Variants in PLA2G12A observed in about 807,000 individuals in gnomAD.
The protein encoded by PLA2G12A is group XIIA secretory phospholipase A2.
Under a neutral mutation model 16.0 loss-of-function variants are expected in PLA2G12A, and 11 were observed. That is an observed-to-expected ratio of 0.69 (90% CI 0.43 to 1.13). PLA2G12A has a LOEUF of 1.13. Among genes scored for constraint, PLA2G12A ranks in the 50% most tolerant of loss-of-function variants. The pLI, the probability that PLA2G12A is intolerant of heterozygous loss-of-function variation, is 0.00. For missense variants in PLA2G12A, 214 were observed against 237.3 expected (o/e 0.90, Z 0.65); for synonymous variants, 77 against 93.8 (o/e 0.82, Z 1.03).
Position 109,712,871 on chromosome 4 carries a change from G to C in PLA2G12A, c.*1506C>G, listed in dbSNP as rs1379118004. 1 of 152,032 alleles carries C rather than the reference G, an allele frequency of 6.6e-6. No individual in the cohort carries two copies. Among genetic ancestry groups the C allele is most frequent in the East Asian group, 1.9e-4 (1 of 5,194 alleles). 9.4% of individuals were successfully genotyped at this position (152,032 alleles called of 1,614,324 possible). ...GGTTTGAAATAAAGAATCAATTGAG[G>C]GTCCCAAACATTTAAGTGGAAACCC... On this transcript the variant is annotated 3_prime_UTR_variant, in exon 4 of 4. Transcript: ENST00000243501.
Position 109,729,788 on chromosome 4 carries a change from C to G in PLA2G12A, c.22G>C (p.Ala8Pro). Residue 8 changes from alanine (A) to proline (P), a missense_variant, in exon 1 of 4, where the codon GCG (alanine) becomes CCG (proline). Ala to Pro is a conservative substitution (Grantham distance 27, BLOSUM62 -1). Transcript: ENST00000243501. Reference sequence around the variant, plus strand: ...ATGAGGAGGAGCAGGAGGGTGAGCGCGGGGCGCGAGAGCAGGGCCATGCGC... The same window carrying G: ...ATGAGGAGGAGCAGGAGGGTGAGCGGGGGGCGCGAGAGCAGGGCCATGCGC... Reference protein sequence around the residue: MALLSRPALTLLLLLMAA... With the variant: MALLSRPPLTLLLLLMAA... 6.4e-7 allele frequency: 1 copy of G among 1,556,062 alleles called. No individual in the cohort carries two copies. Among genetic ancestry groups the G allele is most frequent in the Non-Finnish European group, 8.7e-7 (1 of 1,150,592 alleles).
In PLA2G12A at chr4:109,729,901, C is replaced by T. The variant is rs1230384931; in HGVS notation, c.-92G>A. On this transcript the variant is annotated 5_prime_UTR_variant, in exon 1 of 4. Transcript: ENST00000243501. ...GGACGCGCTAGGCAGCGGCGCGGGC[C>T]CCGGACTTGGCAGCAGCCAGCTCCA... The T allele has an allele frequency of 6.0e-6, 7 of 1,171,672 alleles. No individual in the cohort carries two copies. The highest frequency in any genetic ancestry group is 6.9e-6 in the Non-Finnish European group (6 of 865,050). The allele number at this position is 1,171,672 out of a possible 1,614,324, so 72.6% of individuals were successfully genotyped here. A position where few individuals can be genotyped will look rare whatever the true frequency, so the allele number is the denominator to read the frequency against.
rs67674001 is a variant in PLA2G12A, at chr4:109,711,053, C to CTTTTTTT, written c.*3317_*3323dup. 73 of 57,228 alleles carry CTTTTTTT rather than the reference C, an allele frequency of 1.3e-3. No homozygotes were observed. Among genetic ancestry groups the CTTTTTTT allele is most frequent in the African/African-American group, 6.0e-3 (71 of 11,912 alleles). The allele number at this position is 57,228 out of a possible 1,614,324, so 3.5% of individuals were successfully genotyped here. ...AGAGCTGCTGACAGTTAGTTCTTGC[C>CTTTTTTT]TTTTTTTTTTTTTTTTTTTTTTTGC... On this transcript the variant is annotated 3_prime_UTR_variant, in exon 4 of 4. Coordinates refer to ENST00000243501, the MANE Select transcript of PLA2G12A (RefSeq NM_030821.5).
intron 3 of PLA2G12A, among the ~76,000 whole-genome samples, chr4:109,715,178 T>G (rs1730806029): frequency 6.6e-6 from 1 of 151,310 alleles, no homozygotes; most frequent in South Asian, 2.1e-4. Context: ...TTTAACTTTC[T>G]TTTTATTTGA....
Position 109,729,765 on chromosome 4 carries a change from GAGGAGGAGC to G in PLA2G12A, c.36_44del (p.Leu13_Leu15del). On this transcript the variant is annotated inframe_deletion, in exon 1 of 4. Coordinates refer to ENST00000243501, the MANE Select transcript of PLA2G12A (RefSeq NM_030821.5). ...CCTGGCACCTGACAACAGCGGCCAT[GAGGAGGAGC>G]AGGAGGGTGAGCGCGGGGCGCGAGA... 1 of 1,574,626 alleles carries G rather than the reference GAGGAGGAGC, an allele frequency of 6.4e-7. No homozygotes were observed. Among genetic ancestry groups the G allele is most frequent in the Non-Finnish European group, 8.6e-7 (1 of 1,160,900 alleles).
intron 1 of PLA2G12A, among the ~76,000 whole-genome samples, chr4:109,724,673 C>T (rs188741640): frequency 1.3e-4 from 20 of 152,082 alleles, no homozygotes; most frequent in Non-Finnish European, 2.6e-4. Flanking sequence ...CAAATGAAGT[C>T]AGAAAAACTA....
In PLA2G12A at chr4:109,712,518, T is replaced by C. The variant is rs1373372829; in HGVS notation, c.*1859A>G. 6.6e-6 allele frequency: 1 copy of C among 152,094 alleles called. No individual in the cohort carries two copies. Among genetic ancestry groups the C allele is most frequent in the Non-Finnish European group, 1.5e-5 (1 of 67,994 alleles). The allele number at this position is 152,094 out of a possible 1,614,324, so 9.4% of individuals were successfully genotyped here. A position where few individuals can be genotyped will look rare whatever the true frequency, so the allele number is the denominator to read the frequency against. The stretch of plus-strand genomic sequence containing the variant: ...TAAATATTGATAAACCATTTTTTTT[T>C]TAGAGTCTTGCTCTGTTGCCCAGGC... On this transcript the variant is annotated 3_prime_UTR_variant, in exon 4 of 4. Transcript: ENST00000243501.
At position 109,729,862 on chromosome 4, in the gene PLA2G12A, C is replaced by T. The variant is rs1005337422; in HGVS notation, c.-53G>A. 5.4e-6 allele frequency: 8 copies of T among 1,486,664 alleles called. No homozygotes were observed. The African/African-American group carries it at 1.1e-4, about 21-fold the overall frequency. 92.1% of individuals were successfully genotyped at this position (1,486,664 alleles called of 1,614,324 possible). A position where few individuals can be genotyped will look rare whatever the true frequency, so the allele number is the denominator to read the frequency against. ...CCGAGCCGCGGCGCGGGGCGCGTCCCCACAGAGTCCCCAGGACGCGCTAGG... is the reference window on the plus strand; with the variant it reads ...CCGAGCCGCGGCGCGGGGCGCGTCCTCACAGAGTCCCCAGGACGCGCTAGG... On this transcript the variant is annotated 5_prime_UTR_variant, in exon 1 of 4. Coordinates refer to ENST00000243501, the MANE Select transcript of PLA2G12A (RefSeq NM_030821.5).
chr4:109,726,947 A>T (rs1309753594), intron 1 of PLA2G12A, among the ~76,000 whole-genome samples: 4 of 116,740 alleles, frequency 3.4e-5, no homozygotes, highest in African/African-American at 6.8e-5. Context: ...TTTTTTTTTT[A>T]AAGCTCTCTT....
rs1226164502 is a variant in PLA2G12A at position 109,711,376 on chromosome 4, TTG to T, written c.*2999_*3000del. The T allele has an allele frequency of 3.3e-5, 5 of 152,074 alleles. No homozygotes were observed. The highest frequency in any genetic ancestry group is 7.4e-5 in the Non-Finnish European group (5 of 68,016). 9.4% of individuals were successfully genotyped at this position (152,074 alleles called of 1,614,324 possible). A position where few individuals can be genotyped will look rare whatever the true frequency, so the allele number is the denominator to read the frequency against. ...GAACCAGGGCTCTTTGGAGCAGGGG[TTG>T]ATTCTAGGGATTCTAGGGTTGGGGC... On this transcript the variant is annotated 3_prime_UTR_variant, in exon 4 of 4. Transcript: ENST00000243501.
intron 3 of PLA2G12A, 50 bp downstream of exon 3, chr4:109,717,498 A>G (rs373091331): frequency 1.3e-6 from 2 of 1,541,676 alleles, no homozygotes; most frequent in Non-Finnish European, 1.8e-6. Flanking sequence ...AGAGCATTTG[A>G]TACAACTTTA....
chr4:109,717,755 A>G (rs1389873204), intron 2 of PLA2G12A, 42 bp from the exon 3 acceptor site: 3 of 1,569,760 alleles, frequency 1.9e-6, no homozygotes, highest in Admixed American at 1.7e-5. Flanking sequence ...ATGAAATGCA[A>G]AACTCCTCTG....
rs1463297758 is a variant in PLA2G12A at position 109,714,453 on chromosome 4, T to C, written c.494A>G (p.His165Arg). The C allele has an allele frequency of 2.5e-6, 4 of 1,614,094 alleles. No homozygotes were observed. The highest frequency in any genetic ancestry group is 3.3e-4 in the Middle Eastern group (2 of 6,062). The change falls in exon 4 of 4, where the codon CAT becomes CGT. Residue 165 changes from histidine (H) to arginine (R), a missense_variant. Physicochemically the swap from His to Arg is conservative, Grantham distance 29. Coordinates refer to ENST00000243501, the MANE Select transcript of PLA2G12A (RefSeq NM_030821.5). ...TVELLFDSVI[H>R]LGCKPYLDSQ... is the part of the protein sequence containing the mutation. ...GTCCAGATATGGTTTACAACCTAAA[T>C]GTATAACACTGTCAAACAAGAGCTC...
chr4:109,720,845 T>C (rs974451354), intron 1 of PLA2G12A, among the ~76,000 whole-genome samples: 2 of 151,260 alleles, frequency 1.3e-5, no homozygotes, highest in African/African-American at 4.9e-5. Flanking sequence ...GAGGCAGGTG[T>C]ATCACCTGAG....
At chr4:109,719,873 C>T (rs1239288767) in intron 1 of PLA2G12A, among the ~76,000 whole-genome samples, 5 of 152,220 alleles carry the variant, frequency 3.3e-5, no homozygotes, top group South Asian at 2.1e-4. Context: ...AATGCAGGGT[C>T]GCCGCTAACC....
chr4:109,729,949 G>C lies in PLA2G12A; in HGVS notation c.-140C>G. The C allele has an allele frequency of 1.4e-6, 1 of 691,076 alleles. No individual in the cohort carries two copies. The highest frequency in any genetic ancestry group is 2.3e-6 in the Non-Finnish European group (1 of 440,084). The allele number at this position is 691,076 out of a possible 1,614,324, so 42.8% of individuals were successfully genotyped here. Reference sequence around the variant, plus strand: ...CCATATCCACGCCTCCTTCCCGGCTGGCCCTCAGGATCTCGCTGTCTTTAC... The same window carrying C: ...CCATATCCACGCCTCCTTCCCGGCTCGCCCTCAGGATCTCGCTGTCTTTAC... On this transcript the variant is annotated 5_prime_UTR_variant, in exon 1 of 4. Coordinates refer to ENST00000243501, the MANE Select transcript of PLA2G12A (RefSeq NM_030821.5).
chr4:109,721,297 C>T (rs1192683031), intron 1 of PLA2G12A, among the ~76,000 whole-genome samples: 2 of 151,640 alleles, frequency 1.3e-5, no homozygotes, highest in Non-Finnish European at 1.5e-5. Context: ...CAACTCTCAT[C>T]GCCTACTTTT....
rs373672870 is a variant in PLA2G12A at position 109,718,245 on chromosome 4, A to T, written c.285+438T>A. 6.6e-5 allele frequency among the ~76,000 whole-genome samples: 10 copies of T among 152,350 alleles called. No individual in the cohort carries two copies. The East Asian group carries it at 1.5e-3, about 23-fold the overall frequency. ...ATCTATAACTTCAATTATTTTAAATAACTTTATACACAAAATCCTTGTGTC... is the reference window on the plus strand; with the variant it reads ...ATCTATAACTTCAATTATTTTAAATTACTTTATACACAAAATCCTTGTGTC... On this transcript the variant is annotated intron_variant, in intron 2 of 3. Transcript: ENST00000243501.
At chr4:109,717,780 A>G in intron 2 of PLA2G12A, 67 bp from the exon 3 acceptor site, 2 of 1,386,180 alleles carry the variant, frequency 1.4e-6, no homozygotes, top group Non-Finnish European at 2.0e-6. Context: ...ACTGCATTCA[A>G]ATAGACTAAA....
Sources: gnomAD v4.1 joint callset for allele counts (sites outside exome capture counted in the v4.1 genomes callset) on GRCh38, gnomAD v4.1.1 for gene constraint, MANE v1.5 for transcripts, NCBI Gene and HGNC (gene_info 2026-07-23, HGNC 2026-07-21) for gene names.